HYDIN: variants seen among roughly 807,000 people sequenced by gnomAD.
The protein encoded by HYDIN is HYDIN axonemal central pair apparatus protein, also known as axonemal central pair apparatus protein HYDIN.
Under a neutral mutation model 403.9 loss-of-function variants are expected in HYDIN, and 132 were observed. That is an observed-to-expected ratio of 0.33 (90% CI 0.28 to 0.38). The LOEUF (loss-of-function observed/expected upper bound fraction) is 0.38, where lower values mean the gene tolerates loss of function less well. Among genes scored for constraint, HYDIN ranks in the 10% least tolerant of loss-of-function variants. The pLI, the probability that HYDIN is intolerant of heterozygous loss-of-function variation, is 1.00. For synonymous variants in HYDIN, 1,202 were observed against 1,891.7 expected, an observed-to-expected ratio of 0.64 and a Z score of 9.46; for missense variants, 2,827 against 5,009.5, an observed-to-expected ratio of 0.56 and a Z score of 13.15.
At chr16:70,927,858 C>A (rs1371175102) in intron 45 of HYDIN, among the ~76,000 whole-genome samples, 7 of 151,434 alleles carry the variant, frequency 4.6e-5, no homozygotes, top group Non-Finnish European at 1.0e-4. Flanking sequence ...AGAGGCCTGC[C>A]TAGAAAAAAA....
chr16:71,021,374 G>A (rs2080486617), intron 21 of HYDIN, among the ~76,000 whole-genome samples: 1 of 151,508 alleles, frequency 6.6e-6, no homozygotes, highest in South Asian at 2.1e-4. Flanking sequence ...GTGCCACCAT[G>A]CCCAGCTAAT....
chr16:70,915,368 T>C (rs1388585921), intron 47 of HYDIN, among the ~76,000 whole-genome samples: 1 of 152,092 alleles, frequency 6.6e-6, no homozygotes, highest in African/African-American at 2.4e-5. Context: ...TTTCTATGGA[T>C]GTGGCTTCCT....
In HYDIN at chr16:70,921,100, C is replaced by T. The variant is rs747090470; in HGVS notation, c.7276G>A (p.Asp2426Asn). Residue 2426 changes from aspartate to asparagine, a missense_variant, in exon 46 of 86, where the codon GAT becomes AAT. Coordinates refer to ENST00000393567, the MANE Select transcript of HYDIN (RefSeq NM_001270974.2). The stretch of plus-strand genomic sequence containing the variant: ...AGAGGAAGCCCATGCATGCTGACAT[C>T]GCCCATGTTCCTTTTCTTCTTATTT... ...ELNKKKRNMG[D>N]VSMHGLPLVQ... The T allele has an allele frequency of 2.9e-5, 46 of 1,562,466 alleles. No individual in the cohort carries two copies. The highest frequency in any genetic ancestry group is 4.1e-5 in the African/African-American group (3 of 73,736).
chr16:70,806,506 C>T lies in HYDIN; in HGVS notation c.*1074G>A, dbSNP rs748650670. On this transcript the variant is annotated 3_prime_UTR_variant, in exon 86 of 86. Transcript: ENST00000393567. The stretch of plus-strand genomic sequence containing the variant: ...ACACCTACAGACTTTTTGATTCAGT[C>T]GATCTGACATGGGGACTGAGAGTTT... Among the ~76,000 whole-genome samples the T allele has an allele frequency of 6.6e-6, 1 of 152,116 alleles. No individual in the cohort carries two copies. Among genetic ancestry groups the T allele is most frequent in the East Asian group, 1.9e-4 (1 of 5,194 alleles).
rs1366688829 is a variant in HYDIN at position 70,810,390 on chromosome 16, AC to A, written c.14659-384del. ...CTGGGTTCTGCCATCCTCCATTATT[AC>A]CCATGGCGAAACAAAGCAAGAACAG... On this transcript the variant is annotated intron_variant, in intron 84 of 85. Coordinates refer to ENST00000393567, the MANE Select transcript of HYDIN (RefSeq NM_001270974.2). Among the ~76,000 whole-genome samples the A allele has an allele frequency of 3.3e-5, 5 of 152,294 alleles. No homozygotes were observed. In the East Asian group the frequency reaches 9.6e-4, roughly 29 times the overall value.
At chr16:71,161,590 T>A (rs1289861095) in intron 6 of HYDIN, among the ~76,000 whole-genome samples, 1 of 152,232 alleles carries the variant, frequency 6.6e-6, no homozygotes, top group Non-Finnish European at 1.5e-5. Flanking sequence ...CAACAGCAGA[T>A]TGAGTCCCTC....
intron 7 of HYDIN, among the ~76,000 whole-genome samples, chr16:71,143,627 T>C (rs1436132311): frequency 6.6e-6 from 1 of 152,218 alleles, no homozygotes; most frequent in Non-Finnish European, 1.5e-5. Flanking sequence ...TTTCTAGTTA[T>C]AACAGCACAC....
chr16:70,954,444 C>G (rs1483369961), intron 40 of HYDIN, among the ~76,000 whole-genome samples: 2 of 139,832 alleles, frequency 1.4e-5, no homozygotes, highest in Non-Finnish European at 3.1e-5. Flanking sequence ...CAGAGAGATA[C>G]CTTGTCTCAA....
chr16:70,940,818 G>T (rs1326379623), intron 43 of HYDIN, among the ~76,000 whole-genome samples: 6 of 152,254 alleles, frequency 3.9e-5, no homozygotes, highest in Non-Finnish European at 8.8e-5. Context: ...TGACTAGATA[G>T]TGTTAGAAGG....
rs369234337 is a variant in HYDIN, at chr16:70,979,516, T to C, written c.4511-475A>G. On this transcript the variant is annotated intron_variant, in intron 29 of 85. Coordinates refer to ENST00000393567, the MANE Select transcript of HYDIN (RefSeq NM_001270974.2). ...AAGTTGTTTTAATTAACACTAAATA[T>C]GCCACATTATCCTGAATCAGGGAGG... Among the ~76,000 whole-genome samples the C allele has an allele frequency of 4.3e-4, 66 of 152,336 alleles. 1 individual carries two copies. The highest frequency in any genetic ancestry group is 1.4e-3 in the African/African-American group (58 of 41,570).
chr16:71,212,035 G>A (rs1378606549), intron 1 of HYDIN, among the ~76,000 whole-genome samples: 1 of 152,066 alleles, frequency 6.6e-6, no homozygotes, highest in African/African-American at 2.4e-5. Flanking sequence ...AAAAAAAGTC[G>A]AAGGGCAACT....
At chr16:71,093,682 G>C (rs1398401) in intron 11 of HYDIN, 135 bp downstream of exon 11, 1 of 673,590 alleles carries the variant, frequency 1.5e-6, no homozygotes, top group Non-Finnish European at 2.3e-6. Context: ...GAGCACTCCA[G>C]GGTCTCAACA....
chr16:71,080,859 C>T (rs572871645), intron 12 of HYDIN: 241 of 150,700 alleles, frequency 1.6e-3, no homozygotes, highest in African/African-American at 5.7e-3. Flanking sequence ...AGGAAAGAGA[C>T]AGAAGAGGAG....
chr16:71,125,435 G>A (rs576905546), intron 9 of HYDIN, among the ~76,000 whole-genome samples: 17 of 152,300 alleles, frequency 1.1e-4, no homozygotes, highest in Admixed American at 1.0e-3. Flanking sequence ...CACAAATGAG[G>A]ATAAGGACCT....
At chr16:70,876,030 G>C (rs1237156579) in intron 62 of HYDIN, among the ~76,000 whole-genome samples, 2 of 152,002 alleles carry the variant, frequency 1.3e-5, no homozygotes, top group African/African-American at 2.4e-5. Flanking sequence ...TTTTTTTAAA[G>C]CATAACAGAG....
In HYDIN at chr16:70,809,933, G is replaced by C; in HGVS notation, c.14733C>G (p.Asp4911Glu). The stretch of plus-strand genomic sequence containing the variant: ...AGAGCTCATATTGGTAGTAACCCAA[G>C]TCAGTGTTGTGCAAAGTTAGTCTTC... ...TFGRLTLHNT[D>E]LGYYQYELYL... The change falls in exon 85 of 86, where the codon GAC becomes GAG. Residue 4911 changes from aspartate to glutamate, a missense_variant. Transcript: ENST00000393567. 6.2e-7 allele frequency: 1 copy of C among 1,614,188 alleles called. No individual in the cohort carries two copies. Among genetic ancestry groups the C allele is most frequent in the Non-Finnish European group, 8.5e-7 (1 of 1,180,028 alleles).
chr16:70,902,821 A>ATATATATTTTTTTTTTTT, intron 52 of HYDIN, among the ~76,000 whole-genome samples: 1 of 47,318 alleles, frequency 2.1e-5, no homozygotes, highest in Non-Finnish European at 3.6e-5. Context: ...ATATATATAT[A>ATATATATTTTTTTTTTTT]TTTTTTTTTT....
intron 48 of HYDIN, 21 bp downstream of exon 48, chr16:70,908,632 C>A: frequency 1.3e-6 from 2 of 1,501,058 alleles, no homozygotes; most frequent in Admixed American, 1.9e-5. Flanking sequence ...ATTCCCCTCC[C>A]TGGGTTGCTG....
chr16:70,931,244 G>GA (rs1158673452), intron 45 of HYDIN, among the ~76,000 whole-genome samples: 1 of 113,354 alleles, frequency 8.8e-6, no homozygotes, highest in Non-Finnish European at 1.7e-5. Context: ...TTAATACAGG[G>GA]TCTTGCTGTG....
Sources: allele counts gnomAD v4.1 joint callset (sites outside exome capture counted in the v4.1 genomes callset), GRCh38; gene constraint gnomAD v4.1.1; transcripts MANE v1.5; gene names NCBI Gene and HGNC (gene_info 2026-07-23, HGNC 2026-07-21).